ELOVL4: variants seen among roughly 807,000 people sequenced by gnomAD.
ELOVL4 encodes ELOVL fatty acid elongase 4.
ELOVL4 carries 18 observed loss-of-function variants against 42.1 expected under a neutral mutation model. The observed-to-expected ratio is 0.43, with a 90% CI of 0.30 to 0.63. The LOEUF (loss-of-function observed/expected upper bound fraction) is 0.63, where lower values mean the gene tolerates loss of function less well. ELOVL4 is among the 30% of genes least tolerant of loss of function. The probability of loss-of-function intolerance (pLI) is 0.15; values close to 1 mark genes in which losing one functional copy is unlikely to be tolerated. For missense variants in ELOVL4, 299 were observed against 376.2 expected (o/e 0.79, Z 1.70); for synonymous variants, 117 against 127.0 (o/e 0.92, Z 0.53).
At chr6:79,947,042 C>T in intron 1 of ELOVL4, 138 bp downstream of exon 1, 2 of 712,294 alleles carry the variant, frequency 2.8e-6, no homozygotes, top group Non-Finnish European at 4.9e-6. Context: ...GTGCCCGCGC[C>T]GGCCCCTCCG....
At chr6:79,932,915 T>G (rs1401178043) in intron 1 of ELOVL4, among the ~76,000 whole-genome samples, 1 of 152,060 alleles carries the variant, frequency 6.6e-6, no homozygotes, top group Non-Finnish European at 1.5e-5. Flanking sequence ...AAGAGGAATT[T>G]GACAAGCAGA....
chr6:79,923,892 C>T (rs1774299567), intron 3 of ELOVL4, among the ~76,000 whole-genome samples: 1 of 152,112 alleles, frequency 6.6e-6, no homozygotes, highest in Admixed American at 6.5e-5. Context: ...CCAATTTTGT[C>T]TCCAGTCTTG....
rs189898207 is a variant in ELOVL4, at chr6:79,916,622, C to T, written c.931G>A (p.Ala311Thr). ...CCCAGTTCAATTTAATCTCCTTTTG[C>T]TTTTCCATTTTTCTGCTTTTTTCCA... ...ENGKKQKNGK[A>T]KGD The change falls in exon 6 of 6, where the codon GCA (alanine) becomes ACA (threonine). Residue 311 changes from alanine to threonine, a missense_variant. Coordinates refer to ENST00000369816, the MANE Select transcript of ELOVL4 (RefSeq NM_022726.4). The T allele has an allele frequency of 1.5e-4, 244 of 1,614,022 alleles. 4 individuals are homozygous for T. The Admixed American group carries it at 4.0e-3, about 27-fold the overall frequency.
At position 79,916,526 on chromosome 6, in the gene ELOVL4, C is replaced by G. The variant is rs1219393199; in HGVS notation, c.*82G>C. 1 of 1,563,796 alleles carries G rather than the reference C, an allele frequency of 6.4e-7. No homozygotes were observed. Among genetic ancestry groups the G allele is most frequent in the Non-Finnish European group, 8.8e-7 (1 of 1,139,094 alleles). On this transcript the variant is annotated 3_prime_UTR_variant, in exon 6 of 6. Coordinates refer to ENST00000369816, the MANE Select transcript of ELOVL4 (RefSeq NM_022726.4). ...TCTTTTCTCCCCACCCCCAAGCTCT[C>G]CTTTGCTTCTGTTTTCCCTGAAATT...
chr6:79,926,440 A>C, intron 1 of ELOVL4, 59 bp from the exon 2 acceptor site: 1 of 1,503,264 alleles, frequency 6.7e-7, no homozygotes, highest in Non-Finnish European at 9.1e-7. Context: ...TATAAAATAC[A>C]CTTTTTAGGA....
chr6:79,938,127 CGA>C (rs1024696791), intron 1 of ELOVL4, among the ~76,000 whole-genome samples: 1 of 152,232 alleles, frequency 6.6e-6, no homozygotes, highest in Admixed American at 6.5e-5. Flanking sequence ...AAATATATCT[CGA>C]GAGAGAGAGC....
chr6:79,935,192 C>A (rs1157995324), intron 1 of ELOVL4, among the ~76,000 whole-genome samples: 3 of 152,124 alleles, frequency 2.0e-5, no homozygotes, highest in Non-Finnish European at 4.4e-5. Flanking sequence ...TTAATACTTA[C>A]AACAAATTAT....
chr6:79,938,049 T>A (rs919341735), intron 1 of ELOVL4, among the ~76,000 whole-genome samples: 1 of 152,126 alleles, frequency 6.6e-6, no homozygotes, highest in Non-Finnish European at 1.5e-5. Context: ...TCCAAATTCA[T>A]GACTTCAGAA....
At chr6:79,926,044 G>T in intron 2 of ELOVL4, 150 bp downstream of exon 2, 2 of 736,012 alleles carry the variant, frequency 2.7e-6, no homozygotes, top group Non-Finnish European at 4.4e-6. Flanking sequence ...TAATATTTTT[G>T]TTATTCAAAA....
intron 1 of ELOVL4, among the ~76,000 whole-genome samples, chr6:79,946,058 C>G (rs566889504): frequency 6.6e-6 from 1 of 152,294 alleles, no homozygotes; most frequent in East Asian, 1.9e-4. Flanking sequence ...GTCTAATTTC[C>G]TCTAACAACA....
intron 1 of ELOVL4, among the ~76,000 whole-genome samples, chr6:79,928,183 T>C (rs952682918): frequency 1.3e-5 from 2 of 152,142 alleles, no homozygotes; most frequent in Non-Finnish European, 2.9e-5. Flanking sequence ...CTGTTCTAGG[T>C]CACAGAGAAG....
At position 79,947,308 on chromosome 6, in the gene ELOVL4, G is replaced by A. The variant is rs972935977; in HGVS notation, c.-29C>T. ...GGCGATGAGCGGGCGCTGGCGGCAGGAGAAAGCGGAGACCCAGAGAGAGGG... is the reference window on the plus strand; with the variant it reads ...GGCGATGAGCGGGCGCTGGCGGCAGAAGAAAGCGGAGACCCAGAGAGAGGG... On this transcript the variant is annotated 5_prime_UTR_variant, in exon 1 of 6. Coordinates refer to ENST00000369816, the MANE Select transcript of ELOVL4 (RefSeq NM_022726.4). The A allele has an allele frequency of 6.4e-7, 1 of 1,560,306 alleles. No homozygotes were observed. The highest frequency in any genetic ancestry group is 2.3e-5 in the East Asian group (1 of 44,236).
At chr6:79,924,655 G>C (rs1271030390) in intron 3 of ELOVL4, among the ~76,000 whole-genome samples, 1 of 151,946 alleles carries the variant, frequency 6.6e-6, no homozygotes, top group Non-Finnish European at 1.5e-5. Flanking sequence ...GGGCAACATA[G>C]CAAGACCCTG....
rs1416535740 is a variant in ELOVL4, at chr6:79,916,496, A to G, written c.*112T>C. 2 of 1,232,548 alleles carry G rather than the reference A, an allele frequency of 1.6e-6. No individual in the cohort carries two copies. Among genetic ancestry groups the G allele is most frequent in the Admixed American group, 3.5e-5 (2 of 57,696 alleles). The allele number at this position is 1,232,548 out of a possible 1,614,324, so 76.4% of individuals were successfully genotyped here. On this transcript the variant is annotated 3_prime_UTR_variant, in exon 6 of 6. Coordinates refer to ENST00000369816, the MANE Select transcript of ELOVL4 (RefSeq NM_022726.4). Reference sequence around the variant, plus strand: ...TAAGAGTTACTAGGACATAGAGCACATTTGTCTTTTCTCCCCACCCCCAAG... The same window carrying G: ...TAAGAGTTACTAGGACATAGAGCACGTTTGTCTTTTCTCCCCACCCCCAAG...
At chr6:79,937,422 G>A (rs895951308) in intron 1 of ELOVL4, among the ~76,000 whole-genome samples, 1 of 152,070 alleles carries the variant, frequency 6.6e-6, no homozygotes, top group Non-Finnish European at 1.5e-5. Flanking sequence ...ACAGATGAGA[G>A]AATCAATGTG....
rs377488925 is a variant in ELOVL4 at position 79,916,754 on chromosome 6, T to A, written c.799A>T (p.Ile267Phe). The change falls in exon 6 of 6, where the codon ATT (isoleucine) becomes TTT (phenylalanine). Residue 267 changes from isoleucine (I) to phenylalanine (F), a missense_variant. Coordinates refer to ENST00000369816, the MANE Select transcript of ELOVL4 (RefSeq NM_022726.4). The part of the protein sequence containing the change: ...SFIFLFLNFY[I>F]RTYKEPKKPK... ...TTCTTAGGCTCTTTGTATGTCCGAA[T>A]GTAGAAGTTAAGAAAGAGAAATATG... The A allele has an allele frequency of 2.5e-6, 4 of 1,614,064 alleles. No individual in the cohort carries two copies. The African/African-American group carries it at 4.0e-5, about 16-fold the overall frequency.
intron 4 of ELOVL4, among the ~76,000 whole-genome samples, chr6:79,921,244 A>C (rs1283034032): frequency 1.3e-5 from 2 of 151,804 alleles, no homozygotes; most frequent in Non-Finnish European, 2.9e-5. Flanking sequence ...GGCGGATCAC[A>C]AGGTCAAGAG....
chr6:79,923,460 T>C (rs1174790330), intron 3 of ELOVL4, among the ~76,000 whole-genome samples: 1 of 152,204 alleles, frequency 6.6e-6, no homozygotes, highest in African/African-American at 2.4e-5. Flanking sequence ...GGTTTTTCTA[T>C]GCATACTCCC....
chr6:79,946,939 T>C (rs1430648981), intron 1 of ELOVL4, among the ~76,000 whole-genome samples: 1 of 152,050 alleles, frequency 6.6e-6, no homozygotes. Flanking sequence ...CGAGAGCTGA[T>C]GAGAGATGGA....
Sources: allele counts gnomAD v4.1 joint callset (sites outside exome capture counted in the v4.1 genomes callset), GRCh38; gene constraint gnomAD v4.1.1; transcripts MANE v1.5; gene names NCBI Gene and HGNC (gene_info 2026-07-23, HGNC 2026-07-21).